The following DPYD variants were observed in gnomAD, a reference collection of about 807,000 sequenced individuals.
DPYD encodes the protein dihydropyrimidine dehydrogenase.
In DPYD, 109 loss-of-function variants were observed where a neutral mutation model predicts 116.2. The ratio of observed to expected loss-of-function variants is 0.94; its 90% CI spans 0.80 to 1.10. The LOEUF is 1.10. Among genes scored for constraint, DPYD ranks in the 50% least tolerant of loss-of-function variants. The pLI is 0.00. For synonymous variants in DPYD, 440 were observed against 432.0 expected (o/e 1.02, Z -0.23); for missense variants, 1,302 against 1,254.5 (o/e 1.04, Z -0.57).
chr1:97,443,452 A>G (rs1675912654), intron 14 of DPYD, among the ~76,000 whole-genome samples: 1 of 152,196 alleles, frequency 6.6e-6, no homozygotes. Flanking sequence ...TCTTCCCTTC[A>G]ATAGTTGCTT....
At chr1:97,425,060 T>A (rs1674788535) in intron 14 of DPYD, among the ~76,000 whole-genome samples, 1 of 152,050 alleles carries the variant, frequency 6.6e-6, no homozygotes, top group Non-Finnish European at 1.5e-5. Context: ...ATGATGACTA[T>A]GCTTAGGGTA....
intron 3 of DPYD, among the ~76,000 whole-genome samples, chr1:97,779,796 T>C (rs757879404): frequency 1.3e-5 from 2 of 152,148 alleles, no homozygotes; most frequent in African/African-American, 4.8e-5. Context: ...ATTTACTTTA[T>C]GTAACAACTT....
intron 11 of DPYD, among the ~76,000 whole-genome samples, chr1:97,553,258 C>A (rs1570948481): frequency 6.6e-6 from 1 of 151,894 alleles, no homozygotes. Context: ...CTAATTTCAA[C>A]AATTCTTTTA....
chr1:97,118,327 C>T (rs989219885), intron 20 of DPYD, among the ~76,000 whole-genome samples: 2 of 151,946 alleles, frequency 1.3e-5, no homozygotes, highest in Non-Finnish European at 2.9e-5. Context: ...CTTCTTTTTC[C>T]CCCTTTTGTT....
chr1:97,217,507 C>T (rs186241951), intron 19 of DPYD, among the ~76,000 whole-genome samples: 1 of 152,052 alleles, frequency 6.6e-6, no homozygotes, highest in East Asian at 1.9e-4. Context: ...CCTGTAAGAA[C>T]TTTGATATTT....
intron 18 of DPYD, among the ~76,000 whole-genome samples, chr1:97,289,679 G>T (rs571884970): frequency 6.6e-6 from 1 of 152,242 alleles, no homozygotes; most frequent in African/African-American, 2.4e-5. Context: ...GTATTGATGG[G>T]ACGTATCTCA....
chr1:97,723,650 A>G (rs1176566648), intron 4 of DPYD, among the ~76,000 whole-genome samples: 1 of 151,616 alleles, frequency 6.6e-6, no homozygotes, highest in Admixed American at 6.6e-5. Context: ...AGAGATTAGG[A>G]TCTGTTTATT....
intron 3 of DPYD, among the ~76,000 whole-genome samples, chr1:97,774,038 G>C (rs761080942): frequency 6.6e-6 from 1 of 152,140 alleles, no homozygotes; most frequent in Non-Finnish European, 1.5e-5. Flanking sequence ...TTTGGGAGCC[G>C]TAAACACCCA....
At chr1:97,909,349 T>A (rs1673807845) in intron 1 of DPYD, among the ~76,000 whole-genome samples, 1 of 152,062 alleles carries the variant, frequency 6.6e-6, no homozygotes, top group Non-Finnish European at 1.5e-5. Context: ...CAAGTAATTA[T>A]CCTGTCTATG....
intron 3 of DPYD, among the ~76,000 whole-genome samples, chr1:97,818,105 C>T (rs1044983221): frequency 6.6e-6 from 1 of 151,992 alleles, no homozygotes; most frequent in African/African-American, 2.4e-5. Flanking sequence ...GCTTCTTACT[C>T]ATGTTGCTGT....
At chr1:97,794,362 G>T (rs777814965) in intron 3 of DPYD, among the ~76,000 whole-genome samples, 1 of 151,560 alleles carries the variant, frequency 6.6e-6, no homozygotes, top group African/African-American at 2.4e-5. Context: ...AATAATAACA[G>T]AAACAAGCCG....
chr1:97,185,933 A>G (rs1657964923), intron 20 of DPYD, among the ~76,000 whole-genome samples: 1 of 152,200 alleles, frequency 6.6e-6, no homozygotes, highest in South Asian at 2.1e-4. Flanking sequence ...CAACTTGTCA[A>G]ATGGTTCATT....
chr1:97,369,708 T>A (rs556377611), intron 16 of DPYD, among the ~76,000 whole-genome samples: 1 of 152,314 alleles, frequency 6.6e-6, no homozygotes, highest in Admixed American at 6.5e-5. Context: ...AATGATATTT[T>A]CACCTTTGCT....
intron 13 of DPYD, among the ~76,000 whole-genome samples, chr1:97,463,307 T>C (rs1303837217): frequency 1.3e-5 from 2 of 151,712 alleles, no homozygotes; most frequent in African/African-American, 2.4e-5. Context: ...TAAAGAGGAG[T>C]TTCCCTGCAC....
chr1:97,506,588 C>A (rs1166279151), intron 13 of DPYD, among the ~76,000 whole-genome samples: 2 of 151,888 alleles, frequency 1.3e-5, no homozygotes, highest in Non-Finnish European at 2.9e-5. Flanking sequence ...AAGTTAGATT[C>A]ATCTACCAGC....
At chr1:97,434,492 G>A (rs1675355576) in intron 14 of DPYD, among the ~76,000 whole-genome samples, 1 of 151,996 alleles carries the variant, frequency 6.6e-6, no homozygotes, top group African/African-American at 2.4e-5. Flanking sequence ...GCTAATACCA[G>A]GGATGCATAA....
chr1:97,285,609 T>C (rs1665622157), intron 18 of DPYD, among the ~76,000 whole-genome samples: 1 of 152,090 alleles, frequency 6.6e-6, no homozygotes, highest in South Asian at 2.1e-4. Flanking sequence ...TGAAGTTCAC[T>C]AAATGGAATA....
intron 14 of DPYD, among the ~76,000 whole-genome samples, chr1:97,447,498 G>A (rs1022637123): frequency 6.6e-6 from 1 of 152,158 alleles, no homozygotes; most frequent in African/African-American, 2.4e-5. Context: ...TCTTCGATAT[G>A]AGGAGTAAAA....
chr1:97,892,452 G>T (rs1356122590), intron 1 of DPYD, among the ~76,000 whole-genome samples: 1 of 151,688 alleles, frequency 6.6e-6, no homozygotes, highest in African/African-American at 2.4e-5. Context: ...TTTGGTTCTT[G>T]AATAAGCTCA....
Sources: gnomAD v4.1 joint callset for allele counts (sites outside exome capture counted in the v4.1 genomes callset) on GRCh38, gnomAD v4.1.1 for gene constraint, MANE v1.5 for transcripts, NCBI Gene and HGNC (gene_info 2026-07-23, HGNC 2026-07-21) for gene names.